DNAH8: variants seen among roughly 807,000 people sequenced by gnomAD.
DNAH8 encodes the protein dynein axonemal heavy chain 8.
Under a neutral mutation model 562.1 loss-of-function variants are expected in DNAH8, and 382 were observed. The observed-to-expected ratio is 0.68, with a 90% CI of 0.63 to 0.74. DNAH8 has a LOEUF of 0.74. Ranked by LOEUF, DNAH8 falls within the 30% of genes least tolerant of loss-of-function variation. The pLI is 0.00. For missense variants in DNAH8, 5,203 were observed against 5,620.4 expected, an observed-to-expected ratio of 0.93 and a Z score of 2.37; for synonymous variants, 1,881 against 1,919.4, an observed-to-expected ratio of 0.98 and a Z score of 0.52.
intron 91 of DNAH8, among the ~76,000 whole-genome samples, chr6:39,018,750 A>G (rs1369837034): frequency 6.6e-6 from 1 of 152,182 alleles, no homozygotes; most frequent in African/African-American, 2.4e-5. Context: ...GGAAACCAGG[A>G]CAGCATGGTG....
chr6:38,836,039 A>G (rs911474900), intron 32 of DNAH8, among the ~76,000 whole-genome samples: 4 of 152,160 alleles, frequency 2.6e-5, no homozygotes, highest in Non-Finnish European at 5.9e-5. Flanking sequence ...TGAATTTATT[A>G]ACGAAGCAGA....
chr6:38,972,873 T>C (rs1401070873), intron 83 of DNAH8, among the ~76,000 whole-genome samples: 1 of 152,212 alleles, frequency 6.6e-6, no homozygotes, highest in Admixed American at 6.5e-5. Flanking sequence ...CCCAGTTGTA[T>C]AGACGGCACA....
At chr6:38,736,465 C>T (rs1053707499) in intron 5 of DNAH8, among the ~76,000 whole-genome samples, 39 of 152,214 alleles carry the variant, frequency 2.6e-4, no homozygotes, top group African/African-American at 8.9e-4. Context: ...AAGACGACAC[C>T]AAACTGTATG....
chr6:38,863,613 T>G (rs1438438796), intron 44 of DNAH8, among the ~76,000 whole-genome samples: 3 of 152,230 alleles, frequency 2.0e-5, no homozygotes, highest in Non-Finnish European at 4.4e-5. Flanking sequence ...CAAACACTGT[T>G]GGTTCTACTT....
At chr6:38,828,852 C>T (rs1487671875) in intron 30 of DNAH8, among the ~76,000 whole-genome samples, 1 of 152,202 alleles carries the variant, frequency 6.6e-6, no homozygotes, top group Non-Finnish European at 1.5e-5. Context: ...TATCACCCCA[C>T]AAAGGAAACC....
intron 77 of DNAH8, 76 bp from the exon 78 acceptor site, chr6:38,937,898 T>C: frequency 6.6e-7 from 1 of 1,524,548 alleles, no homozygotes; most frequent in South Asian, 1.3e-5. Flanking sequence ...AGCGTTTTTT[T>C]TTTTTCAGAA....
chr6:38,756,064 C>T lies in DNAH8; in HGVS notation c.1500C>T (p.Thr500=), dbSNP rs562736255. 1.3e-6 allele frequency: 2 copies of T among 1,583,432 alleles called. No individual in the cohort carries two copies. Among genetic ancestry groups the T allele is most frequent in the South Asian group, 1.1e-5 (1 of 90,170 alleles). The change falls in exon 10 of 93, where the codon ACC becomes ACT. Residue 500 remains threonine (T), a synonymous_variant. Coordinates refer to ENST00000327475, the MANE Select transcript of DNAH8 (RefSeq NM_001206927.2). ...SRYYNTSERM[T]SLFIKVTNQM... ...ATTATAATACCTCAGAGAGAATGAC[C>T]TCATTGTTTATCAAGGTAAGTTTCT...
At chr6:38,940,990 C>T (rs1007980689) in intron 79 of DNAH8, among the ~76,000 whole-genome samples, 5 of 151,828 alleles carry the variant, frequency 3.3e-5, no homozygotes, top group African/African-American at 7.3e-5. Flanking sequence ...CGTGGTGGCA[C>T]GTGTCTGTAG....
intron 88 of DNAH8, among the ~76,000 whole-genome samples, chr6:38,999,892 A>G (rs1765368060): frequency 6.7e-6 from 1 of 149,438 alleles, no homozygotes; most frequent in Non-Finnish European, 1.5e-5. Context: ...TTAGAAATGA[A>G]TACAAAAGTT....
chr6:38,857,023 C>T (rs1776257368), intron 41 of DNAH8, among the ~76,000 whole-genome samples: 1 of 152,096 alleles, frequency 6.6e-6, no homozygotes, highest in Non-Finnish European at 1.5e-5. Flanking sequence ...TTTCTGTCTC[C>T]CTCTCTCTTC....
chr6:38,815,452 TTTC>T lies in DNAH8; in HGVS notation c.3334-10_3334-8del, dbSNP rs767495914. ...ATGTGCCGGCAGTATTACACATTTGTTTCTTCTTTCCACAGGTGATGATTCCTA... is the reference window on the plus strand; with the variant it reads ...ATGTGCCGGCAGTATTACACATTTGTTTCTTTCCACAGGTGATGATTCCTA... On this transcript the variant is annotated splice_polypyrimidine_tract_variant and intron_variant, in intron 25 of 92. Transcript: ENST00000327475. The T allele has an allele frequency of 1.2e-6, 2 of 1,603,508 alleles. No individual in the cohort carries two copies. Among genetic ancestry groups the T allele is most frequent in the Admixed American group, 3.3e-5 (2 of 59,916 alleles).
rs571643743 is a variant in DNAH8, at chr6:38,967,623, A to T, written c.12452-3969A>T. 4.2e-3 allele frequency among the ~76,000 whole-genome samples: 641 copies of T among 152,300 alleles called. 6 individuals are homozygous for T. Among genetic ancestry groups the T allele is most frequent in the African/African-American group, 0.015 (614 of 41,588 alleles). ...GAAAACTAAAAAACATCATTAAAAA[A>T]TTAAATACCTAAATAAATGGAAAGA... On this transcript the variant is annotated intron_variant, in intron 82 of 92. Coordinates refer to ENST00000327475, the MANE Select transcript of DNAH8 (RefSeq NM_001206927.2).
intron 44 of DNAH8, among the ~76,000 whole-genome samples, chr6:38,863,630 T>C (rs1776811678): frequency 6.6e-6 from 1 of 152,192 alleles, no homozygotes; most frequent in African/African-American, 2.4e-5. Flanking sequence ...ACTTTCAAAA[T>C]ACCCCCAAAA....
chr6:38,915,872 A>G (rs1385385043), intron 68 of DNAH8, among the ~76,000 whole-genome samples: 3 of 152,044 alleles, frequency 2.0e-5, no homozygotes, highest in African/African-American at 7.2e-5. Flanking sequence ...ACACACATAC[A>G]TACACATATA....
intron 62 of DNAH8, among the ~76,000 whole-genome samples, chr6:38,902,050 G>C (rs1165251784): frequency 2.0e-5 from 3 of 152,198 alleles, no homozygotes; most frequent in Non-Finnish European, 4.4e-5. Context: ...GGCATTATCT[G>C]TCTGATTCCT....
chr6:38,856,811 A>G (rs1776240476), intron 41 of DNAH8, among the ~76,000 whole-genome samples: 1 of 152,014 alleles, frequency 6.6e-6, no homozygotes, highest in South Asian at 2.1e-4. Context: ...GGTCCAAATG[A>G]TGTTGGATCT....
intron 53 of DNAH8, among the ~76,000 whole-genome samples, chr6:38,882,356 A>G (rs146008799): frequency 0.026 from 3,939 of 152,316 alleles, 176 homozygotes; most frequent in African/African-American, 0.088. Context: ...TTTGGTACAC[A>G]TATACCATGG....
At chr6:38,865,724 G>T (rs796576344) in intron 45 of DNAH8, among the ~76,000 whole-genome samples, 39 of 152,320 alleles carry the variant, frequency 2.6e-4, no homozygotes, top group African/African-American at 9.4e-4. Context: ...GCTGGGAAAT[G>T]TAGTTTTTAA....
chr6:38,736,952 T>C, intron 5 of DNAH8, 115 bp from the exon 6 acceptor site: 1 of 680,836 alleles, frequency 1.5e-6, no homozygotes, highest in Admixed American at 3.6e-5. Context: ...GATTCCCTAA[T>C]AGTTTATAAA....
Sources: gnomAD v4.1 joint callset for allele counts (sites outside exome capture counted in the v4.1 genomes callset) on GRCh38, gnomAD v4.1.1 for gene constraint, MANE v1.5 for transcripts, NCBI Gene and HGNC (gene_info 2026-07-23, HGNC 2026-07-21) for gene names.